PRRC2B: variants seen among roughly 807,000 people sequenced by gnomAD.
PRRC2B encodes protein PRRC2B.
A neutral mutation model predicts 242.3 loss-of-function variants in PRRC2B; 68 were observed. The ratio of observed to expected loss-of-function variants is 0.28; its 90% CI spans 0.23 to 0.34. The LOEUF (loss-of-function observed/expected upper bound fraction) is 0.34, where lower values mean the gene tolerates loss of function less well. PRRC2B is among the 10% of genes least tolerant of loss of function. The probability of loss-of-function intolerance (pLI) is 1.00; values close to 1 mark genes in which losing one functional copy is unlikely to be tolerated. For missense variants in PRRC2B, 2,835 were observed against 2,954.8 expected, an observed-to-expected ratio of 0.96 and a Z score of 0.94; for synonymous variants, 1,228 against 1,173.6, an observed-to-expected ratio of 1.05 and a Z score of -0.95.
At chr9:131,394,027 A>AGGAGGCGGGGGCGGCG (rs1554756825), upstream of PRRC2B, 1 of 147,234 alleles carries the variant, frequency 6.8e-6, no homozygotes, top group Non-Finnish European at 1.5e-5. Context: ...GAGGAGGACG[A>AGGAGGCGGGGGCGGCG]GGAGGCGGGG....
rs1483140843 is a variant in PRRC2B, at chr9:131,476,493, G to A, written c.4364G>A (p.Arg1455His). 8 of 1,609,632 alleles carry A rather than the reference G, an allele frequency of 5.0e-6. 1 individual carries two copies. The Admixed American group carries it at 6.8e-5, about 14-fold the overall frequency. The part of the protein sequence containing the change: ...VRPGGGDTSP[R>H]YESQQNGTPL... ...CCAGGTGGTGGTGACACCTCCCCTC[G>A]CTATGAGAGCCAACAGAATGGGACG... The change falls in exon 16 of 32, where the codon CGC (arginine) becomes CAC (histidine). Residue 1455 changes from arginine to histidine, a missense_variant. This residue lies in a region of PRRC2B where 1,536 missense variants were observed against 1,483.1 expected (regional missense o/e 1.04). Transcript: ENST00000683519.
intron 9 of PRRC2B, among the ~76,000 whole-genome samples, chr9:131,448,841 C>G (rs1384027801): frequency 6.6e-6 from 1 of 152,108 alleles, no homozygotes; most frequent in Non-Finnish European, 1.5e-5. Flanking sequence ...ACCCATATCA[C>G]ATTTTACCTG....
chr9:131,465,518 C>T (rs1344448447), intron 12 of PRRC2B, among the ~76,000 whole-genome samples: 1 of 152,190 alleles, frequency 6.6e-6, no homozygotes, highest in African/African-American at 2.4e-5. Context: ...GTACAGCACG[C>T]TCCAGTTTCT....
At chr9:131,375,414 A>C (rs1360792780) in intron 1 of PRRC2B, among the ~76,000 whole-genome samples, 1 of 152,146 alleles carries the variant, frequency 6.6e-6, no homozygotes, top group Non-Finnish European at 1.5e-5. Flanking sequence ...AAATAAAAAA[A>C]ATAAAAAAAT....
Position 131,482,880 on chromosome 9 carries a change from A to C in PRRC2B, c.5346A>C (p.Pro1782=), listed in dbSNP as rs779793129. 6.2e-7 allele frequency: 1 copy of C among 1,607,732 alleles called. No individual in the cohort carries two copies. The highest frequency in any genetic ancestry group is 2.2e-5 in the East Asian group (1 of 44,666). ...EIHVDSVLPV[P]PIEFGVSPKD... ...ACGTGGACTCCGTGCTGCCTGTGCC[A>C]CCCATTGAATTTGGAGTCAGTCCAA... Residue 1782 remains proline (P), a synonymous_variant, in exon 22 of 32, where the codon CCA becomes CCC. Coordinates refer to ENST00000683519, the MANE Select transcript of PRRC2B (RefSeq NM_013318.4). The surrounding 1 kb of genome is among the most constrained non-coding windows in gnomAD (Gnocchi z 5.2).
At chr9:131,488,770 A>C (rs1319063474) in intron 28 of PRRC2B, among the ~76,000 whole-genome samples, 1 of 152,148 alleles carries the variant, frequency 6.6e-6, no homozygotes, top group Non-Finnish European at 1.5e-5. Context: ...CCCACACCAT[A>C]GACTGTGCCT....
Position 131,448,543 on chromosome 9 carries a change from C to CAAAAAAAAA in PRRC2B, c.1120+758_1120+766dup, listed in dbSNP as rs754661321. Among the ~76,000 whole-genome samples the CAAAAAAAAA allele has an allele frequency of 8.2e-3, 326 of 39,880 alleles. 104 individuals carry two copies. The highest frequency in any genetic ancestry group is 0.019 in the South Asian group (18 of 930). The allele number at this position is 39,880 out of a possible 152,430, so 26.2% of individuals were successfully genotyped here. A position where few individuals can be genotyped will look rare whatever the true frequency, so the allele number is the denominator to read the frequency against. The stretch of plus-strand genomic sequence containing the variant: ...TGGGCGACAGAGGGAGACACTGTCT[C>CAAAAAAAAA]AAAAAAAAAAAAAAAAAAAAAAAAA... On this transcript the variant is annotated intron_variant, in intron 9 of 31. Coordinates refer to ENST00000683519, the MANE Select transcript of PRRC2B (RefSeq NM_013318.4).
At chr9:131,462,166 T>C (rs1236690658) in intron 11 of PRRC2B, among the ~76,000 whole-genome samples, 5 of 152,144 alleles carry the variant, frequency 3.3e-5, no homozygotes, top group African/African-American at 1.2e-4. Context: ...AGTGATGAAA[T>C]CTATATACTA....
At chr9:131,423,654 C>G (rs1837906039) in intron 1 of PRRC2B, among the ~76,000 whole-genome samples, 1 of 152,218 alleles carries the variant, frequency 6.6e-6, no homozygotes, top group African/African-American at 2.4e-5. Context: ...TTGTAAAGGA[C>G]CAGGCAGTAA....
chr9:131,379,982 A>G (rs1836734653), intron 1 of PRRC2B, among the ~76,000 whole-genome samples: 1 of 140,504 alleles, frequency 7.1e-6, no homozygotes, highest in Non-Finnish European at 1.5e-5. Flanking sequence ...AGAGTTATTT[A>G]TATATATATA....
At chr9:131,393,142 C>G (rs1475333168), upstream of PRRC2B, among the ~76,000 whole-genome samples, 1 of 152,080 alleles carries the variant, frequency 6.6e-6, no homozygotes, top group East Asian at 1.9e-4. Flanking sequence ...TCTCTCAAAG[C>G]CTCCTTTGTC....
chr9:131,456,578 C>T (rs913594268), intron 10 of PRRC2B, among the ~76,000 whole-genome samples: 6 of 151,850 alleles, frequency 4.0e-5, no homozygotes, highest in Non-Finnish European at 4.4e-5. Context: ...TTGCAGTGAG[C>T]CGAGATCACG....
At chr9:131,459,080 G>A (rs1250289692) in intron 10 of PRRC2B, 84 bp from the exon 11 acceptor site, 1 of 1,229,242 alleles carries the variant, frequency 8.1e-7, no homozygotes, top group Non-Finnish European at 1.2e-6. Flanking sequence ...AGCTGACTTG[G>A]GAATTCTCAA....
chr9:131,417,238 C>T (rs935499904), intron 1 of PRRC2B, among the ~76,000 whole-genome samples: 3 of 152,098 alleles, frequency 2.0e-5, no homozygotes, highest in Non-Finnish European at 2.9e-5. Context: ...GTCTGCTGCC[C>T]TCCTGTGAGG....
Position 131,455,154 on chromosome 9 carries a change from G to T in PRRC2B, c.1199G>T (p.Gly400Val). 1 of 1,613,274 alleles carries T rather than the reference G, an allele frequency of 6.2e-7. No individual in the cohort carries two copies. The highest frequency in any genetic ancestry group is 1.3e-5 in the African/African-American group (1 of 75,024). Residue 400 changes from glycine to valine, a missense_variant, in exon 10 of 32, where the codon GGC becomes GTC. Physicochemically the swap from Gly to Val is moderately radical, Grantham distance 109 (BLOSUM62 -3). This residue lies in a region of PRRC2B where 626 missense variants were observed against 685.5 expected (regional missense o/e 0.91). Coordinates refer to ENST00000683519, the MANE Select transcript of PRRC2B (RefSeq NM_013318.4). ...GAGGAGGAAGAAGTTGTGAAGGACG[G>T]CAGGCCAAAGTGGTAAGGACCCGTT... is the stretch of plus-strand genomic sequence containing the variant. ...DEEEEEVVKD[G>V]RPKWNSWDPR...
intron 28 of PRRC2B, 124 bp downstream of exon 28, chr9:131,488,220 C>T: frequency 2.2e-6 from 3 of 1,346,664 alleles, no homozygotes; most frequent in Non-Finnish European, 3.0e-6. Context: ...GCCACCGTGC[C>T]CATTCCTCAG....
At chr9:131,444,943 G>A (rs1054055057) in intron 6 of PRRC2B, among the ~76,000 whole-genome samples, 2 of 152,168 alleles carry the variant, frequency 1.3e-5, no homozygotes, top group East Asian at 3.9e-4. Context: ...TTTTCCACGT[G>A]TTCTACTCAG....
At chr9:131,389,361 T>C (rs1472408633), upstream of PRRC2B, among the ~76,000 whole-genome samples, 1 of 149,110 alleles carries the variant, frequency 6.7e-6, no homozygotes, top group Non-Finnish European at 1.5e-5. Flanking sequence ...TTCTCCATGT[T>C]GGTCAGGCTG....
Position 131,487,219 on chromosome 9 carries a change from A to C in PRRC2B, c.5909A>C (p.Gln1970Pro). ...PISLHTSLQAQAQLGLRGGLP... is the reference protein window; with the variant it reads ...PISLHTSLQAPAQLGLRGGLP... Reference sequence around the variant, plus strand: ...TCCCTTCACACATCTCTGCAGGCACAAGCTCAGCTTGGACTGAGGGGTGGG... The same window carrying C: ...TCCCTTCACACATCTCTGCAGGCACCAGCTCAGCTTGGACTGAGGGGTGGG... The change falls in exon 27 of 32, where the codon CAA (glutamine) becomes CCA (proline). Residue 1970 changes from glutamine (Q) to proline (P), a missense_variant. Physicochemically the swap from Gln to Pro is moderately conservative, Grantham distance 76 (BLOSUM62 -1). This residue lies in a region of PRRC2B where 574 missense variants were observed against 626.0 expected (regional missense o/e 0.92). Transcript: ENST00000683519. This position sits in a 1 kb window ranked among gnomAD's most constrained non-coding sequence, Gnocchi z 5.3. 6.2e-7 allele frequency: 1 copy of C among 1,613,664 alleles called. No homozygotes were observed. The highest frequency in any genetic ancestry group is 8.5e-7 in the Non-Finnish European group (1 of 1,179,658).
Sources: gnomAD v4.1 joint callset for allele counts (sites outside exome capture counted in the v4.1 genomes callset) on GRCh38, gnomAD v4.1.1 for gene constraint, gnomAD v4.1.1 regional missense constraint, Gnocchi (gnomAD v3.1) non-coding constraint, MANE v1.5 for transcripts, NCBI Gene and HGNC (gene_info 2026-07-23, HGNC 2026-07-21) for gene names.